Variants in SUPT3H observed in about 807,000 individuals in gnomAD.
The protein encoded by SUPT3H is transcription initiation protein SPT3 homolog.
A neutral mutation model predicts 44.3 loss-of-function variants in SUPT3H; 44 were observed. That is an observed-to-expected ratio of 0.99 (90% CI 0.78 to 1.28). The LOEUF (loss-of-function observed/expected upper bound fraction) is 1.28, where lower values mean the gene tolerates loss of function less well. Among genes scored for constraint, SUPT3H ranks in the 50% most tolerant of loss-of-function variants. SUPT3H has a pLI of 0.00. For synonymous variants in SUPT3H, 124 were observed against 125.6 expected (o/e 0.99, Z 0.09); for missense variants, 380 against 387.1 (o/e 0.98, Z 0.15).
At chr6:45,116,964 A>C (rs565651008) in intron 2 of SUPT3H, among the ~76,000 whole-genome samples, 2 of 152,194 alleles carry the variant, frequency 1.3e-5, no homozygotes, top group East Asian at 3.9e-4. Flanking sequence ...AAGGTTAAAG[A>C]CTTCCTATTT....
chr6:45,258,032 CG>C (rs1773702158), intron 2 of SUPT3H, among the ~76,000 whole-genome samples: 1 of 152,134 alleles, frequency 6.6e-6, no homozygotes, highest in African/African-American at 2.4e-5. Flanking sequence ...TCCCAGAAAA[CG>C]TAGCATTCCT....
At chr6:45,033,731 T>A (rs1167802037) in intron 3 of SUPT3H, among the ~76,000 whole-genome samples, 1 of 152,146 alleles carries the variant, frequency 6.6e-6, no homozygotes, top group Non-Finnish European at 1.5e-5. Flanking sequence ...ATTAAGGTTA[T>A]GGATTTTAAG....
intron 10 of SUPT3H, among the ~76,000 whole-genome samples, chr6:44,929,365 T>C (rs1770166857): frequency 1.3e-5 from 2 of 152,158 alleles, no homozygotes; most frequent in African/African-American, 2.4e-5. Flanking sequence ...TATCAAATTA[T>C]TGGTAAATGG....
rs192155317 is a variant in SUPT3H, at chr6:44,984,254, G to A, written c.504+19399C>T. Among the ~76,000 whole-genome samples the A allele has an allele frequency of 9.3e-3, 1,413 of 152,260 alleles. 16 individuals are homozygous for A. Among genetic ancestry groups the A allele is most frequent in the Non-Finnish European group, 0.015 (1,038 of 68,038 alleles). Reference sequence around the variant, plus strand: ...AGACTTAAGATTGGTAATCCAGTGAGCTGGGCCTGCCTCTCTCAAGGTGAT... The same window carrying A: ...AGACTTAAGATTGGTAATCCAGTGAACTGGGCCTGCCTCTCTCAAGGTGAT... On this transcript the variant is annotated intron_variant, in intron 6 of 10. Coordinates refer to ENST00000371459, the MANE Select transcript of SUPT3H (RefSeq NM_003599.4).
chr6:44,981,561 C>A (rs923444151), intron 6 of SUPT3H, among the ~76,000 whole-genome samples: 4 of 152,088 alleles, frequency 2.6e-5, no homozygotes, highest in Non-Finnish European at 5.9e-5. Flanking sequence ...TATTGAGAAA[C>A]ATTTTATACC....
chr6:44,930,588 G>T lies in SUPT3H; in HGVS notation c.912+2065C>A, dbSNP rs901774203. 2.2e-5 allele frequency among the ~76,000 whole-genome samples: 3 copies of T among 135,996 alleles called. No individual in the cohort carries two copies. In the Admixed American group the frequency reaches 2.2e-4, roughly 10 times the overall value. 89.2% of individuals were successfully genotyped at this position (135,996 alleles called of 152,430 possible). On this transcript the variant is annotated intron_variant, in intron 10 of 10. Transcript: ENST00000371459. ...TCAAAAAAAAAAAAAAAAAAAAAAA[G>T]TGCAGGCATATTCACTCTTGTAGTG... is the stretch of plus-strand genomic sequence containing the variant.
intron 3 of SUPT3H, among the ~76,000 whole-genome samples, chr6:45,064,979 C>G (rs893673824): frequency 4.0e-5 from 6 of 150,870 alleles, no homozygotes; most frequent in African/African-American, 1.5e-4. Context: ...ATCTACAGAA[C>G]TCTCCACCCC....
chr6:45,182,419 G>A (rs1813434697), intron 2 of SUPT3H, among the ~76,000 whole-genome samples: 1 of 151,896 alleles, frequency 6.6e-6, no homozygotes, highest in South Asian at 2.1e-4. Context: ...CTGCCCCCAC[G>A]CCTGGCTAAT....
In SUPT3H at chr6:44,964,530, AG is replaced by A. The variant is rs764816334; in HGVS notation, c.505-2703del. Among the ~76,000 whole-genome samples, 59 of 152,338 alleles carry A rather than the reference AG, an allele frequency of 3.9e-4. 2 individuals carry two copies. Among genetic ancestry groups the A allele is most frequent in the Middle Eastern group, 3.4e-3 (1 of 294 alleles). On this transcript the variant is annotated intron_variant, in intron 6 of 10. Transcript: ENST00000371459. ...TAGCAAAATTTGTCGTCAGAGGTTA[AG>A]GTTGCCAGGATTGCCAGCTACAATA... is the stretch of plus-strand genomic sequence containing the variant.
intron 2 of SUPT3H, among the ~76,000 whole-genome samples, chr6:45,184,409 A>T (rs1813815724): frequency 6.6e-6 from 1 of 152,178 alleles, no homozygotes. Context: ...GTCCAAATTG[A>T]TGAAAATCTT....
Position 45,287,109 on chromosome 6 carries a change from G to A in SUPT3H, c.101+78092C>T, listed in dbSNP as rs200207050. 4.2e-4 allele frequency among the ~76,000 whole-genome samples: 64 copies of A among 152,158 alleles called. No individual in the cohort carries two copies. The East Asian group carries it at 0.01, about 24-fold the overall frequency. On this transcript the variant is annotated intron_variant, in intron 2 of 10. Coordinates refer to ENST00000371459, the MANE Select transcript of SUPT3H (RefSeq NM_003599.4). ...GCCTGTTGTGGGGTCGGAGGAGAGG[G>A]GAGGGATAGCATTAGGAGATATACC...
intron 2 of SUPT3H, among the ~76,000 whole-genome samples, chr6:45,304,370 A>T (rs1782663730): frequency 6.6e-6 from 1 of 152,180 alleles, no homozygotes; most frequent in African/African-American, 2.4e-5. Context: ...TTAAAGGAAA[A>T]ATCACTTTGA....
intron 10 of SUPT3H, among the ~76,000 whole-genome samples, chr6:44,908,254 T>C (rs533048088): frequency 6.6e-6 from 1 of 150,936 alleles, no homozygotes; most frequent in Non-Finnish European, 1.5e-5. Context: ...TGGGTTCACA[T>C]CATTCTCCTG....
chr6:44,850,934 T>G (rs1215076844), intron 10 of SUPT3H, among the ~76,000 whole-genome samples: 1 of 152,214 alleles, frequency 6.6e-6, no homozygotes, highest in African/African-American at 2.4e-5. Context: ...AGCTTCTGGT[T>G]TGTTCAAGAT....
At chr6:45,064,297 C>A (rs1207525326) in intron 3 of SUPT3H, among the ~76,000 whole-genome samples, 264 of 147,222 alleles carry the variant, frequency 1.8e-3, no homozygotes, top group African/African-American at 6.2e-3. Context: ...CCTAAAAGAG[C>A]TCCTGAAGGA....
chr6:45,033,914 T>G (rs913614040), intron 3 of SUPT3H, among the ~76,000 whole-genome samples: 13 of 152,156 alleles, frequency 8.5e-5, no homozygotes, highest in Non-Finnish European at 1.5e-4. Context: ...ATTTTGAGAA[T>G]TTAACTGGCT....
At chr6:45,212,788 C>A (rs928037310) in intron 2 of SUPT3H, among the ~76,000 whole-genome samples, 9 of 152,116 alleles carry the variant, frequency 5.9e-5, no homozygotes, top group African/African-American at 2.2e-4. Flanking sequence ...CTTTTAGGAT[C>A]TACTCTTGAT....
intron 10 of SUPT3H, among the ~76,000 whole-genome samples, chr6:44,881,436 G>C (rs1029652699): frequency 2.6e-5 from 4 of 152,086 alleles, no homozygotes; most frequent in East Asian, 1.9e-4. Flanking sequence ...CACAATAATA[G>C]TGGGAGACTT....
At chr6:45,009,941 A>C (rs1035035351) in intron 5 of SUPT3H, among the ~76,000 whole-genome samples, 2 of 151,786 alleles carry the variant, frequency 1.3e-5, no homozygotes, top group Admixed American at 1.3e-4. Flanking sequence ...GAGAGTATTA[A>C]CACTTTAATA....
Sources: allele counts gnomAD v4.1 joint callset (sites outside exome capture counted in the v4.1 genomes callset), GRCh38; gene constraint gnomAD v4.1.1; transcripts MANE v1.5; gene names NCBI Gene and HGNC (gene_info 2026-07-23, HGNC 2026-07-21).